EFCAB7: variants seen among roughly 807,000 people sequenced by gnomAD.
EFCAB7 encodes EF-hand calcium binding domain 7.
In EFCAB7, 66 loss-of-function variants were observed where a neutral mutation model predicts 77.1. That is an observed-to-expected ratio of 0.86 (90% CI 0.70 to 1.05). EFCAB7 has a LOEUF of 1.05. EFCAB7 is among the 50% of genes least tolerant of loss of function. The pLI, the probability that EFCAB7 is intolerant of heterozygous loss-of-function variation, is 0.00. For missense variants in EFCAB7, 638 were observed against 730.5 expected, an observed-to-expected ratio of 0.87 and a Z score of 1.46; for synonymous variants, 225 against 243.3, an observed-to-expected ratio of 0.92 and a Z score of 0.70.
chr1:63,576,819 G>C (rs915550550), downstream of EFCAB7, among the ~76,000 whole-genome samples: 1 of 151,700 alleles, frequency 6.6e-6, no homozygotes, highest in African/African-American at 2.4e-5. Context: ...CTGGGTGACA[G>C]AGAGAGACTC....
chr1:63,562,680 T>C (rs1647123930), intron 11 of EFCAB7, among the ~76,000 whole-genome samples: 1 of 149,422 alleles, frequency 6.7e-6, no homozygotes, highest in Non-Finnish European at 1.5e-5. Flanking sequence ...TTTAACTTTT[T>C]TTTTTTTTGT....
chr1:63,551,837 A>G lies in EFCAB7; in HGVS notation c.1056+3A>G. ...TTACCGAACTACGAAATAGAGAAGT[A>G]TACATATTTATTTTCTAATGTTTAA... On this transcript the variant is annotated splice_donor_region_variant and intron_variant, in intron 8 of 13. Coordinates refer to ENST00000371088, the MANE Select transcript of EFCAB7 (RefSeq NM_032437.4). 6.6e-7 allele frequency: 1 copy of G among 1,526,430 alleles called. No individual in the cohort carries two copies. Among genetic ancestry groups the G allele is most frequent in the Non-Finnish European group, 8.8e-7 (1 of 1,131,174 alleles). The allele number at this position is 1,526,430 out of a possible 1,614,324, so 94.6% of individuals were successfully genotyped here.
At chr1:63,534,724 C>T (rs1467160084) in intron 6 of EFCAB7, among the ~76,000 whole-genome samples, 1 of 151,970 alleles carries the variant, frequency 6.6e-6, no homozygotes, top group Non-Finnish European at 1.5e-5. Flanking sequence ...TGCTAGGATA[C>T]ATTAAAAATG....
At chr1:63,557,723 T>C (rs889394855) in intron 10 of EFCAB7, among the ~76,000 whole-genome samples, 3 of 152,184 alleles carry the variant, frequency 2.0e-5, no homozygotes, top group Non-Finnish European at 4.4e-5. Context: ...TATGGAAATA[T>C]TGAAGCCAAA....
intron 6 of EFCAB7, among the ~76,000 whole-genome samples, chr1:63,538,942 A>G (rs1445855261): frequency 6.6e-6 from 1 of 152,170 alleles, no homozygotes; most frequent in Non-Finnish European, 1.5e-5. Context: ...TACTTTAATA[A>G]CTGTTGTTCT....
downstream of EFCAB7, among the ~76,000 whole-genome samples, chr1:63,577,637 A>C (rs985592890): frequency 6.6e-6 from 1 of 152,252 alleles, no homozygotes; most frequent in South Asian, 2.1e-4. Context: ...AGGGACATCC[A>C]ATTAGCATGT....
At chr1:63,555,728 A>G (rs1420281028) in intron 9 of EFCAB7, among the ~76,000 whole-genome samples, 1 of 151,884 alleles carries the variant, frequency 6.6e-6, no homozygotes, top group Non-Finnish European at 1.5e-5. Context: ...TCTCACTTAT[A>G]TGTGGGAACT....
chr1:63,533,670 G>A (rs765310001), intron 5 of EFCAB7, 21 bp downstream of exon 5: 1 of 1,498,274 alleles, frequency 6.7e-7, no homozygotes. Flanking sequence ...TTAACACTAA[G>A]AATTTCTTGA....
intron 10 of EFCAB7, among the ~76,000 whole-genome samples, chr1:63,559,170 C>G (rs1557685344): frequency 6.6e-6 from 1 of 151,588 alleles, no homozygotes; most frequent in Non-Finnish European, 1.5e-5. Context: ...AGTGTGGTGG[C>G]AGGTACCTAT....
intron 6 of EFCAB7, among the ~76,000 whole-genome samples, chr1:63,542,322 TA>T (rs1646838542): frequency 6.6e-6 from 1 of 152,248 alleles, no homozygotes; most frequent in African/African-American, 2.4e-5. Context: ...CCCTTGTATG[TA>T]TTTACCATGT....
intron 6 of EFCAB7, among the ~76,000 whole-genome samples, chr1:63,539,251 A>G (rs1490807531): frequency 2.0e-5 from 3 of 152,204 alleles, no homozygotes; most frequent in Admixed American, 6.5e-5. Flanking sequence ...GGCAAAGTAC[A>G]TTATCTTTTA....
At chr1:63,547,506 T>G (rs1443483937) in intron 7 of EFCAB7, 1 of 152,150 alleles carries the variant, frequency 6.6e-6, no homozygotes, top group Non-Finnish European at 1.5e-5. Context: ...ATGGAGTGGT[T>G]AGTATATGCT....
At chr1:63,572,302 C>A (rs1455023314) in intron 13 of EFCAB7, 140 bp from the exon 14 acceptor site, 2 of 595,278 alleles carry the variant, frequency 3.4e-6, no homozygotes, top group Non-Finnish European at 2.8e-6. Flanking sequence ...TTGCTAGTCT[C>A]TGCTAAGGAC....
intron 11 of EFCAB7, among the ~76,000 whole-genome samples, chr1:63,567,599 GAAGACA>G: frequency 6.6e-6 from 1 of 152,284 alleles, no homozygotes; most frequent in East Asian, 1.9e-4. Context: ...CCTGAAGCAG[GAAGACA>G]AGGTACCTAT....
intron 7 of EFCAB7, 143 bp from the exon 8 acceptor site, chr1:63,551,582 C>T (rs1042167877): frequency 8.2e-5 from 30 of 367,336 alleles, no homozygotes; most frequent in Non-Finnish European, 1.2e-4. Flanking sequence ...CCAAGTGAGA[C>T]TCCGTCTTGA....
intron 6 of EFCAB7, among the ~76,000 whole-genome samples, chr1:63,542,038 A>G (rs896959402): frequency 6.6e-6 from 1 of 152,114 alleles, no homozygotes; most frequent in African/African-American, 2.4e-5. Context: ...CATCAATACC[A>G]CCACCATACA....
chr1:63,568,754 T>C, intron 12 of EFCAB7: 1 of 381,538 alleles, frequency 2.6e-6, no homozygotes, highest in Non-Finnish European at 4.7e-6. Context: ...AATTAAACAT[T>C]TGGATATTAG....
chr1:63,554,619 C>T (rs1038599077), intron 8 of EFCAB7, among the ~76,000 whole-genome samples: 1 of 152,210 alleles, frequency 6.6e-6, no homozygotes, highest in African/African-American at 2.4e-5. Context: ...GGATTACAGG[C>T]GTGAACCGCC....
At chr1:63,527,141 A>G (rs1646607192) in intron 2 of EFCAB7, among the ~76,000 whole-genome samples, 1 of 152,200 alleles carries the variant, frequency 6.6e-6, no homozygotes, top group African/African-American at 2.4e-5. Context: ...TTTTGAAAAT[A>G]TACTAAGAGA....
Sources: allele counts gnomAD v4.1 joint callset (sites outside exome capture counted in the v4.1 genomes callset), GRCh38; gene constraint gnomAD v4.1.1; transcripts MANE v1.5; gene names NCBI Gene and HGNC (gene_info 2026-07-23, HGNC 2026-07-21).